The following RAD51B variants were observed in gnomAD, a reference collection of about 807,000 sequenced individuals.
The protein encoded by RAD51B is DNA repair protein RAD51 homolog 2.
In RAD51B, 38 loss-of-function variants were observed where a neutral mutation model predicts 42.2. The ratio of observed to expected loss-of-function variants is 0.90; its 90% CI spans 0.70 to 1.18. The LOEUF (loss-of-function observed/expected upper bound fraction) is 1.18. Among genes scored for constraint, RAD51B ranks in the 50% most tolerant of loss-of-function variants. The pLI is 0.00. For missense variants in RAD51B, 373 were observed against 400.7 expected, an observed-to-expected ratio of 0.93 and a Z score of 0.59; for synonymous variants, 154 against 145.2, an observed-to-expected ratio of 1.06 and a Z score of -0.43.
chr14:68,088,006 TATATA>T (rs1267710410), intron 7 of RAD51B, among the ~76,000 whole-genome samples: 9 of 131,902 alleles, frequency 6.8e-5, no homozygotes, highest in African/African-American at 2.3e-4. Flanking sequence ...TATATATAAT[TATATA>T]ATATATTATT....
At position 67,881,342 on chromosome 14, in the gene RAD51B, C is replaced by T. The variant is rs375906987; in HGVS notation, c.453-4527C>T. ...CTTTATTCTTCACCTTGTGTAAACC[C>T]GAACTGTTCTCACCCTGTGTGGGCA... is the stretch of plus-strand genomic sequence containing the variant. On this transcript the variant is annotated intron_variant, in intron 5 of 10. Transcript: ENST00000471583. 2.7e-4 allele frequency among the ~76,000 whole-genome samples: 41 copies of T among 152,254 alleles called. 1 individual carries two copies. The East Asian group carries it at 4.4e-3, about 17-fold the overall frequency.
intron 8 of RAD51B, among the ~76,000 whole-genome samples, chr14:68,308,704 T>TAAA (rs67048671): frequency 0.5 from 51,865 of 103,694 alleles, 14,709 homozygotes; most frequent in South Asian, 0.62. Flanking sequence ...TCTGTGTCAT[T>TAAA]AAAAAAAAAA....
intron 8 of RAD51B, among the ~76,000 whole-genome samples, chr14:68,353,897 G>A (rs2082841280): frequency 6.6e-6 from 1 of 152,210 alleles, no homozygotes; most frequent in Admixed American, 6.5e-5. Context: ...TCCACGTGGT[G>A]GAACTGTGTG....
At chr14:67,924,732 A>G (rs1028240005) in intron 7 of RAD51B, among the ~76,000 whole-genome samples, 15 of 152,204 alleles carry the variant, frequency 9.9e-5, no homozygotes, top group Admixed American at 6.5e-5. Context: ...TCAAGATGAA[A>G]TTTGGTGGGG....
At chr14:68,403,823 T>A (rs1238955759) in intron 8 of RAD51B, among the ~76,000 whole-genome samples, 2 of 152,254 alleles carry the variant, frequency 1.3e-5, no homozygotes, top group African/African-American at 4.8e-5. Context: ...ATGATTAAAC[T>A]TCTTTCCTCC....
At chr14:68,618,825 G>A (rs1891879935) in intron 10 of RAD51B, among the ~76,000 whole-genome samples, 1 of 152,162 alleles carries the variant, frequency 6.6e-6, no homozygotes, top group Admixed American at 6.5e-5. Context: ...GAGGAAAGAA[G>A]TGCCCCCTCC....
intron 7 of RAD51B, among the ~76,000 whole-genome samples, chr14:68,143,568 T>A (rs767158197): frequency 6.6e-6 from 1 of 152,244 alleles, no homozygotes; most frequent in Non-Finnish European, 1.5e-5. Flanking sequence ...GCCAGAACTT[T>A]GGCTAGCTCT....
chr14:68,561,257 A>T (rs764356162), intron 10 of RAD51B, among the ~76,000 whole-genome samples: 6 of 152,148 alleles, frequency 3.9e-5, no homozygotes, highest in Non-Finnish European at 7.4e-5. Context: ...TAAATTGTGG[A>T]CCTCAAATTT....
intron 5 of RAD51B, among the ~76,000 whole-genome samples, chr14:67,877,917 C>A (rs7159184): frequency 6.6e-6 from 1 of 151,984 alleles, no homozygotes; most frequent in Non-Finnish European, 1.5e-5. Context: ...CTCCTGCTTC[C>A]GCCTCCCAAA....
rs570131977 is a variant in RAD51B at position 68,233,810 on chromosome 14, T to C, written c.757-58074T>C. ...CAAAGAGGTGTGAAAGAGCATAGTA[T>C]ATTCAGGGTGAAAAAATACATTTTT... On this transcript the variant is annotated intron_variant, in intron 7 of 10. Transcript: ENST00000471583. 2.6e-5 allele frequency among the ~76,000 whole-genome samples: 4 copies of C among 152,316 alleles called. No individual in the cohort carries two copies. The South Asian group carries it at 8.3e-4, about 32-fold the overall frequency.
chr14:67,915,226 A>G (rs2140122518), intron 7 of RAD51B, among the ~76,000 whole-genome samples: 1 of 152,312 alleles, frequency 6.6e-6, no homozygotes, highest in East Asian at 1.9e-4. Flanking sequence ...CCCCAAATCT[A>G]AAACAAAAGT....
chr14:68,091,539 T>A (rs1336436547), intron 7 of RAD51B, among the ~76,000 whole-genome samples: 2 of 152,200 alleles, frequency 1.3e-5, no homozygotes, highest in Non-Finnish European at 2.9e-5. Flanking sequence ...ACCCACTTTT[T>A]GATGGGGTTA....
chr14:68,217,114 G>A (rs1202326261), intron 7 of RAD51B, among the ~76,000 whole-genome samples: 2 of 152,138 alleles, frequency 1.3e-5, no homozygotes, highest in South Asian at 2.1e-4. Context: ...ACTCTAAACT[G>A]AACTGTGGCT....
intron 10 of RAD51B, chr14:68,497,242 C>T (rs1884595790): frequency 1.5e-5 from 21 of 1,361,566 alleles, no homozygotes; most frequent in East Asian, 3.5e-5. Context: ...AAACACCCAT[C>T]GTTCTCTGCT....
intron 9 of RAD51B, among the ~76,000 whole-genome samples, chr14:68,424,050 C>T (rs1220216349): frequency 2.0e-5 from 3 of 152,184 alleles, no homozygotes; most frequent in Non-Finnish European, 4.4e-5. Context: ...AGAGAAGTCT[C>T]TGTGGCATCT....
At chr14:68,423,893 A>G (rs2084771807) in intron 9 of RAD51B, among the ~76,000 whole-genome samples, 1 of 152,234 alleles carries the variant, frequency 6.6e-6, no homozygotes, top group Non-Finnish European at 1.5e-5. Context: ...AATAAACTCT[A>G]CAGGACATGG....
chr14:68,227,405 T>C (rs1411818857), intron 7 of RAD51B, among the ~76,000 whole-genome samples: 2 of 152,178 alleles, frequency 1.3e-5, no homozygotes, highest in African/African-American at 4.8e-5. Context: ...ACATACCAAC[T>C]GTTGACCTTA....
At chr14:68,237,732 C>CTTTT (rs57490316) in intron 7 of RAD51B, among the ~76,000 whole-genome samples, 11 of 74,090 alleles carry the variant, frequency 1.5e-4, no homozygotes, top group African/African-American at 4.7e-4. Flanking sequence ...TTTCATTTCT[C>CTTTT]TTTTTTTTTT....
At position 68,398,333 on chromosome 14, in the gene RAD51B, A is replaced by G. The variant is rs79828063; in HGVS notation, c.854-13091A>G. Among the ~76,000 whole-genome samples the G allele has an allele frequency of 7.6e-3, 1,152 of 152,302 alleles. 20 individuals carry two copies. The highest frequency in any genetic ancestry group is 0.025 in the African/African-American group (1,047 of 41,562). The stretch of plus-strand genomic sequence containing the variant: ...TCTGGAGTTTTCAAAGCACCTCAGC[A>G]TTTCTGTCTTGTCTCACTTGATTCT... On this transcript the variant is annotated intron_variant, in intron 8 of 10. Transcript: ENST00000471583.
Sources: gnomAD v4.1 joint callset for allele counts (sites outside exome capture counted in the v4.1 genomes callset) on GRCh38, gnomAD v4.1.1 for gene constraint, MANE v1.5 for transcripts, NCBI Gene and HGNC (gene_info 2026-07-23, HGNC 2026-07-21) for gene names.